Variants in CPQ observed in about 807,000 individuals in gnomAD.
CPQ encodes the protein carboxypeptidase Q.
A neutral mutation model predicts 45.7 loss-of-function variants in CPQ; 37 were observed. The observed-to-expected ratio is 0.81, with a 90% CI of 0.62 to 1.07. CPQ has a LOEUF of 1.07. Among genes scored for constraint, CPQ ranks in the 50% least tolerant of loss-of-function variants. The pLI is 0.00. For synonymous variants in CPQ, 186 were observed against 205.8 expected (o/e 0.90, Z 0.82); for missense variants, 537 against 572.9 (o/e 0.94, Z 0.64).
At chr8:96,902,228 A>G (rs1335015190) in intron 4 of CPQ, among the ~76,000 whole-genome samples, 1 of 152,234 alleles carries the variant, frequency 6.6e-6, no homozygotes, top group Non-Finnish European at 1.5e-5. Flanking sequence ...GTATAAAATT[A>G]TACATGATTT....
At position 97,101,940 on chromosome 8, in the gene CPQ, CT is replaced by C. The variant is rs1394634096; in HGVS notation, c.1255+35731del. 5.1e-3 allele frequency among the ~76,000 whole-genome samples: 725 copies of C among 142,188 alleles called. 3 individuals carry two copies. The highest frequency in any genetic ancestry group is 0.014 in the African/African-American group (487 of 35,876). 93.3% of individuals were successfully genotyped at this position (142,188 alleles called of 152,430 possible). On this transcript the variant is annotated intron_variant, in intron 7 of 7. Coordinates refer to ENST00000220763, the MANE Select transcript of CPQ (RefSeq NM_016134.4). ...TCTCTCTCTCTCTCTCTCTCTCTCT[CT>C]CCCTCCCTCCCTCTCTCTCTCTCTC...
intron 6 of CPQ, among the ~76,000 whole-genome samples, chr8:97,045,328 A>G (rs960587394): frequency 1.3e-5 from 2 of 152,180 alleles, no homozygotes; most frequent in African/African-American, 4.8e-5. Flanking sequence ...GCCATTTTTT[A>G]AGCCCGTCGG....
intron 4 of CPQ, among the ~76,000 whole-genome samples, chr8:96,962,749 A>G (rs971509516): frequency 3.3e-5 from 5 of 152,202 alleles, no homozygotes; most frequent in African/African-American, 4.8e-5. Flanking sequence ...CTGCACTGCT[A>G]TTTTCTAAGT....
At chr8:97,073,919 T>G (rs1025485040) in intron 7 of CPQ, among the ~76,000 whole-genome samples, 1 of 152,218 alleles carries the variant, frequency 6.6e-6, no homozygotes, top group African/African-American at 2.4e-5. Flanking sequence ...TCATCAATAT[T>G]GCATTCCTGG....
At chr8:96,829,426 T>G (rs999275142) in intron 2 of CPQ, among the ~76,000 whole-genome samples, 14 of 152,132 alleles carry the variant, frequency 9.2e-5, no homozygotes, top group Non-Finnish European at 2.1e-4. Flanking sequence ...CCTGAAAATT[T>G]ATTCAGAGAG....
chr8:97,088,815 T>A (rs113772379), intron 7 of CPQ, among the ~76,000 whole-genome samples: 1 of 152,134 alleles, frequency 6.6e-6, no homozygotes, highest in Admixed American at 6.5e-5. Flanking sequence ...TAACCATAGG[T>A]AGCTCAAAAG....
intron 6 of CPQ, among the ~76,000 whole-genome samples, chr8:97,049,705 G>A (rs1353076736): frequency 6.6e-6 from 1 of 152,174 alleles, no homozygotes; most frequent in African/African-American, 2.4e-5. Context: ...TACATTAAAT[G>A]CACAGGGGTT....
At chr8:97,091,588 G>T (rs960548412) in intron 7 of CPQ, among the ~76,000 whole-genome samples, 6 of 152,072 alleles carry the variant, frequency 3.9e-5, no homozygotes, top group African/African-American at 1.4e-4. Context: ...AACATTTTAG[G>T]TTCTCTTTGT....
chr8:96,882,594 G>C (rs1046170276), intron 4 of CPQ, among the ~76,000 whole-genome samples: 1 of 152,130 alleles, frequency 6.6e-6, no homozygotes, highest in Non-Finnish European at 1.5e-5. Context: ...TCCTTAGTCT[G>C]TAGCAGCTAT....
At chr8:96,680,716 T>C (rs1475461670) in intron 1 of CPQ, among the ~76,000 whole-genome samples, 5 of 151,684 alleles carry the variant, frequency 3.3e-5, no homozygotes, top group African/African-American at 1.2e-4. Flanking sequence ...CATGCAGAGG[T>C]TGGAACAGTT....
intron 7 of CPQ, among the ~76,000 whole-genome samples, chr8:97,119,049 C>T (rs1282159710): frequency 1.3e-5 from 2 of 152,016 alleles, no homozygotes; most frequent in Non-Finnish European, 2.9e-5. Flanking sequence ...TAGCCCAGGA[C>T]CAGGCGTGGT....
At chr8:96,936,019 A>C (rs1813044200) in intron 4 of CPQ, among the ~76,000 whole-genome samples, 1 of 152,184 alleles carries the variant, frequency 6.6e-6, no homozygotes, top group Non-Finnish European at 1.5e-5. Context: ...CAAGTCAAGT[A>C]GTGAACATCA....
intron 6 of CPQ, among the ~76,000 whole-genome samples, chr8:97,057,249 C>T (rs1810469361): frequency 1.3e-5 from 2 of 152,250 alleles, no homozygotes; most frequent in South Asian, 4.1e-4. Flanking sequence ...TGAAAAAACA[C>T]ATTTACTGAA....
intron 7 of CPQ, among the ~76,000 whole-genome samples, chr8:97,139,471 A>G (rs1258941935): frequency 6.6e-6 from 1 of 152,176 alleles, no homozygotes; most frequent in Non-Finnish European, 1.5e-5. Context: ...CACATGGAAT[A>G]TTTACAAAAA....
intron 5 of CPQ, among the ~76,000 whole-genome samples, chr8:97,024,961 A>T (rs1342093788): frequency 6.6e-6 from 1 of 152,238 alleles, no homozygotes; most frequent in African/African-American, 2.4e-5. Context: ...AATGATACTT[A>T]TCTATAGTTC....
At chr8:96,804,008 AGAG>A (rs1158176225) in intron 2 of CPQ, among the ~76,000 whole-genome samples, 1 of 152,210 alleles carries the variant, frequency 6.6e-6, no homozygotes, top group African/African-American at 2.4e-5. Context: ...AACATGGAGA[AGAG>A]GAGGAGTGAT....
At chr8:97,002,461 A>G (rs1261290393) in intron 5 of CPQ, among the ~76,000 whole-genome samples, 1 of 152,068 alleles carries the variant, frequency 6.6e-6, no homozygotes, top group African/African-American at 2.4e-5. Flanking sequence ...GGTACGTTGC[A>G]TCTTTGTTCA....
At chr8:97,030,170 T>C (rs918128668) in intron 6 of CPQ, among the ~76,000 whole-genome samples, 1 of 152,234 alleles carries the variant, frequency 6.6e-6, no homozygotes, top group Non-Finnish European at 1.5e-5. Flanking sequence ...AGTCAAATGT[T>C]AGTTCAAAGA....
At chr8:96,732,790 A>G (rs1369465798) in intron 1 of CPQ, among the ~76,000 whole-genome samples, 10 of 152,182 alleles carry the variant, frequency 6.6e-5, no homozygotes, top group Non-Finnish European at 4.4e-5. Context: ...GCTCACATCC[A>G]GGTACTGAAC....
Sources: allele counts gnomAD v4.1 joint callset (sites outside exome capture counted in the v4.1 genomes callset), GRCh38; gene constraint gnomAD v4.1.1; transcripts MANE v1.5; gene names NCBI Gene and HGNC (gene_info 2026-07-23, HGNC 2026-07-21).